ARHGAP11B: variants seen among roughly 807,000 people sequenced by gnomAD.
ARHGAP11B encodes inactive Rho GTPase-activating protein 11B.
A neutral mutation model predicts 27.6 loss-of-function variants in ARHGAP11B; 14 were observed. The ratio of observed to expected loss-of-function variants is 0.51; its 90% CI spans 0.34 to 0.79. ARHGAP11B has a LOEUF of 0.79. Ranked by LOEUF, ARHGAP11B falls within the 30% of genes least tolerant of loss-of-function variation. The pLI is 0.02. For synonymous variants in ARHGAP11B, 82 were observed against 114.1 expected (o/e 0.72, Z 1.80); for missense variants, 245 against 320.1 (o/e 0.77, Z 1.79).
chr15:30,639,217 T>C (rs1369506432), intron 7 of ARHGAP11B, among the ~76,000 whole-genome samples: 1 of 152,164 alleles, frequency 6.6e-6, no homozygotes, highest in African/African-American at 2.4e-5. Flanking sequence ...AGAGTCAACA[T>C]GATCTTCTGT....
At chr15:30,634,646 T>C (rs1331561177) in intron 4 of ARHGAP11B, among the ~76,000 whole-genome samples, 5 of 152,040 alleles carry the variant, frequency 3.3e-5, no homozygotes, top group Admixed American at 6.6e-5. Context: ...TGGTTCATCA[T>C]TGGTGTTTAT....
rs762366014 is a variant in ARHGAP11B, at chr15:30,627,900, G to A, written c.129+951G>A. ...GTCTCTTAATCGCTGATAAACTTTG[G>A]AGAAGTTATTTTTGTTGGTAGCAAA... On this transcript the variant is annotated intron_variant, in intron 1 of 10. Transcript: ENST00000428041. Among the ~76,000 whole-genome samples, 50 of 151,950 alleles carry A rather than the reference G, an allele frequency of 3.3e-4. 1 individual carries two copies. Among genetic ancestry groups the A allele is most frequent in the South Asian group, 8.3e-4 (4 of 4,822 alleles).
At chr15:30,631,515 A>C (rs985680707) in intron 2 of ARHGAP11B, among the ~76,000 whole-genome samples, 1 of 151,868 alleles carries the variant, frequency 6.6e-6, no homozygotes, top group Admixed American at 6.6e-5. Context: ...TTTAAAGAAA[A>C]ATCAGCTGGG....
rs541569853 is a variant in ARHGAP11B, at chr15:30,630,010, CAACA to C, written c.130-687_130-684del. ...AGTGTGCAAAAACATTCAAGTTAAC[CAACA>C]AACAACTTTACTCTTGGGATCTTCA... is the stretch of plus-strand genomic sequence containing the variant. On this transcript the variant is annotated intron_variant, in intron 1 of 10. Transcript: ENST00000428041. Among the ~76,000 whole-genome samples, 166 of 152,112 alleles carry C rather than the reference CAACA, an allele frequency of 1.1e-3. 3 individuals carry two copies. Among genetic ancestry groups the C allele is most frequent in the African/African-American group, 3.9e-3 (164 of 41,542 alleles).
At chr15:30,647,300 C>G (rs11636748) in intron 9 of ARHGAP11B, among the ~76,000 whole-genome samples, 36 of 151,898 alleles carry the variant, frequency 2.4e-4, no homozygotes, top group African/African-American at 8.4e-4. Flanking sequence ...AAAGGAATTA[C>G]GGTGGTTCAG....
chr15:30,646,463 A>G (rs2060348609), intron 9 of ARHGAP11B, among the ~76,000 whole-genome samples: 1 of 152,004 alleles, frequency 6.6e-6, no homozygotes, highest in Non-Finnish European at 1.5e-5. Flanking sequence ...AAAGTAGATG[A>G]GAGTAGATGG....
chr15:30,626,176 A>C (rs1465094287), exon 1 of ARHGAP11B: 1 of 153,100 alleles, frequency 6.5e-6, no homozygotes, highest in Non-Finnish European at 1.5e-5. Flanking sequence ...GCATGAGGCT[A>C]ACGGCTTGGC....
intron 7 of ARHGAP11B, among the ~76,000 whole-genome samples, chr15:30,641,807 C>A (rs868657693): frequency 6.6e-6 from 1 of 151,998 alleles, no homozygotes; most frequent in East Asian, 1.9e-4. Flanking sequence ...ACATCCACCT[C>A]CGATGTTCAA....
intron 1 of ARHGAP11B, among the ~76,000 whole-genome samples, chr15:30,627,607 A>G (rs561473660): frequency 6.6e-6 from 1 of 152,118 alleles, no homozygotes; most frequent in African/African-American, 2.4e-5. Flanking sequence ...CCAGAGTGGA[A>G]TAATTGAGAA....
At chr15:30,639,834 G>A (rs903817309) in intron 7 of ARHGAP11B, among the ~76,000 whole-genome samples, 20 of 151,920 alleles carry the variant, frequency 1.3e-4, no homozygotes, top group Non-Finnish European at 2.9e-4. Context: ...AGATTAAAAT[G>A]AGTGCCTATT....
chr15:30,633,722 T>C (rs2060260379), intron 3 of ARHGAP11B, 136 bp downstream of exon 3: 1 of 842,902 alleles, frequency 1.2e-6, no homozygotes, highest in Non-Finnish European at 1.8e-6. Context: ...CAGAAGATTT[T>C]TTTTTTTCCA....
intron 6 of ARHGAP11B, 31 bp from the exon 7 acceptor site, chr15:30,638,715 A>G (rs1293528806): frequency 2.2e-5 from 28 of 1,295,420 alleles, no homozygotes; most frequent in Non-Finnish European, 3.0e-5. Flanking sequence ...AGTAAATGTG[A>G]AGTTGTAATT....
At chr15:30,634,906 GGCTAT>G (rs2060269259) in intron 4 of ARHGAP11B, among the ~76,000 whole-genome samples, 169 bp from the exon 5 acceptor site, 1 of 151,556 alleles carries the variant, frequency 6.6e-6, no homozygotes, top group Admixed American at 6.6e-5. Context: ...AATATAGAGA[GGCTAT>G]ATATTTCTGG....
At chr15:30,646,968 T>TCAAAA (rs1046727180) in intron 9 of ARHGAP11B, among the ~76,000 whole-genome samples, 13 of 152,030 alleles carry the variant, frequency 8.6e-5, no homozygotes, top group South Asian at 4.2e-4. Flanking sequence ...AAACTCCATC[T>TCAAAA]CAAAACAAAA....
chr15:30,629,350 T>A (rs1406081868), intron 1 of ARHGAP11B, among the ~76,000 whole-genome samples: 1 of 137,332 alleles, frequency 7.3e-6, no homozygotes, highest in African/African-American at 2.8e-5. Context: ...GAGACCATCC[T>A]AGCTAACACG....
At chr15:30,629,041 A>T (rs964004525) in intron 1 of ARHGAP11B, among the ~76,000 whole-genome samples, 3 of 152,116 alleles carry the variant, frequency 2.0e-5, no homozygotes, top group Admixed American at 6.6e-5. Context: ...TTTTTTAAAT[A>T]GTTCAGCTTA....
At chr15:30,630,298 A>G (rs1212759172) in intron 1 of ARHGAP11B, among the ~76,000 whole-genome samples, 1 of 152,068 alleles carries the variant, frequency 6.6e-6, no homozygotes. Flanking sequence ...TTATAAGGTG[A>G]CCAAAAGAAA....
At chr15:30,629,502 G>A (rs528523220) in intron 1 of ARHGAP11B, among the ~76,000 whole-genome samples, 22 of 152,124 alleles carry the variant, frequency 1.4e-4, no homozygotes, top group Non-Finnish European at 2.4e-4. Flanking sequence ...GCAGTGAGCC[G>A]AGATTGTGCC....
intron 7 of ARHGAP11B, among the ~76,000 whole-genome samples, chr15:30,641,075 A>T (rs1438013202): frequency 1.3e-5 from 2 of 151,900 alleles, no homozygotes; most frequent in Non-Finnish European, 2.9e-5. Flanking sequence ...GAGGTTAAAC[A>T]GTCTTGTTCT....
Sources: allele counts gnomAD v4.1 joint callset (sites outside exome capture counted in the v4.1 genomes callset), GRCh38; gene constraint gnomAD v4.1.1; transcripts MANE v1.5; gene names NCBI Gene and HGNC (gene_info 2026-07-23, HGNC 2026-07-21).